Variants in STRBP observed in about 807,000 individuals in gnomAD.
STRBP encodes the protein spermatid perinuclear RNA binding protein, also known as spermatid perinuclear RNA-binding protein.
A neutral mutation model predicts 80.1 loss-of-function variants in STRBP; 13 were observed. The observed-to-expected ratio is 0.16, with a 90% CI of 0.11 to 0.26. The LOEUF is 0.26. Ranked by LOEUF, STRBP falls within the 10% of genes least tolerant of loss-of-function variation. The pLI, the probability that STRBP is intolerant of heterozygous loss-of-function variation, is 1.00. For synonymous variants in STRBP, 284 were observed against 291.2 expected (o/e 0.98, Z 0.25); for missense variants, 485 against 815.2 (o/e 0.59, Z 4.93).
At chr9:123,163,716 T>A (rs3758331) in intron 6 of STRBP, among the ~76,000 whole-genome samples, 49,516 of 152,102 alleles carry the variant, frequency 0.33, 12,226 homozygotes, top group East Asian at 0.69. Context: ...ATATACAGTT[T>A]TATGTATGTT....
At chr9:123,242,459 G>C (rs2040714494) in intron 1 of STRBP, among the ~76,000 whole-genome samples, 1 of 152,124 alleles carries the variant, frequency 6.6e-6, no homozygotes, top group Non-Finnish European at 1.5e-5. Flanking sequence ...AGGAGTTTGA[G>C]ACCAGCCTGG....
At chr9:123,201,159 ATT>A (rs2039312291) in intron 2 of STRBP, among the ~76,000 whole-genome samples, 1 of 151,464 alleles carries the variant, frequency 6.6e-6, no homozygotes, top group East Asian at 1.9e-4. Flanking sequence ...TATCAATTTT[ATT>A]TTTTCGAAGC....
intron 11 of STRBP, among the ~76,000 whole-genome samples, chr9:123,156,493 G>A (rs7048271): frequency 0.31 from 46,915 of 151,792 alleles, 10,633 homozygotes; most frequent in East Asian, 0.7. Flanking sequence ...TTAAGCACCC[G>A]AAGTGCTATG....
intron 2 of STRBP, among the ~76,000 whole-genome samples, chr9:123,221,152 CCTT>C (rs1183041852): frequency 6.6e-6 from 1 of 152,100 alleles, no homozygotes; most frequent in African/African-American, 2.4e-5. Context: ...GTCATAATCT[CCTT>C]CATCTTGGCT....
intron 2 of STRBP, among the ~76,000 whole-genome samples, chr9:123,234,028 G>C (rs190087662): frequency 1.3e-5 from 2 of 151,738 alleles, no homozygotes; most frequent in East Asian, 3.9e-4. Context: ...GTGAAATCCC[G>C]TCTCTATTAA....
chr9:123,158,467 G>C, intron 9 of STRBP, 38 bp from the exon 10 acceptor site: 1 of 1,581,012 alleles, frequency 6.3e-7, no homozygotes, highest in Non-Finnish European at 8.7e-7. Context: ...ATTTAGAACT[G>C]AGTTTAGAAT....
chr9:123,171,311 G>C (rs556411440), intron 5 of STRBP, among the ~76,000 whole-genome samples: 1 of 152,222 alleles, frequency 6.6e-6, no homozygotes, highest in Non-Finnish European at 1.5e-5. Flanking sequence ...AGCATCCTAG[G>C]AAAGAGTATG....
At chr9:123,205,669 T>C (rs1243520001) in intron 2 of STRBP, among the ~76,000 whole-genome samples, 1 of 152,258 alleles carries the variant, frequency 6.6e-6, no homozygotes, top group Non-Finnish European at 1.5e-5. Flanking sequence ...TATCTTATAC[T>C]ACTTAAAAGT....
At chr9:123,153,590 C>T (rs1444830228) in intron 11 of STRBP, among the ~76,000 whole-genome samples, 6 of 152,096 alleles carry the variant, frequency 3.9e-5, no homozygotes, top group South Asian at 2.1e-4. Context: ...CCTGAGCAAA[C>T]GGAGAGTTTC....
At chr9:123,164,467 G>C (rs147513111) in intron 6 of STRBP, among the ~76,000 whole-genome samples, 2 of 152,274 alleles carry the variant, frequency 1.3e-5, no homozygotes, top group East Asian at 3.9e-4. Context: ...ATGTTCATTT[G>C]GTTAGAGGTT....
intron 11 of STRBP, among the ~76,000 whole-genome samples, 155 bp from the exon 12 acceptor site, chr9:123,148,025 T>C (rs192296244): frequency 3.0e-4 from 46 of 152,308 alleles, no homozygotes; most frequent in African/African-American, 1.1e-3. Flanking sequence ...TTATTTATAA[T>C]CTAGAAAAGC....
chr9:123,216,931 T>C lies in STRBP; in HGVS notation c.-165+19899A>G, dbSNP rs944605424. On this transcript the variant is annotated intron_variant, in intron 2 of 18. Coordinates refer to ENST00000348403, the MANE Select transcript of STRBP (RefSeq NM_018387.5). ...TTGTCCAAAGGTACACAAGGGAAAA[T>C]CTACAATTTAAATCCAAGTCTGTTA... is the stretch of plus-strand genomic sequence containing the variant. Among the ~76,000 whole-genome samples, 3 of 152,126 alleles carry C rather than the reference T, an allele frequency of 2.0e-5. No individual in the cohort carries two copies. The East Asian group carries it at 5.8e-4, about 29-fold the overall frequency.
chr9:123,173,911 G>T, intron 4 of STRBP, 69 bp from the exon 5 acceptor site: 1 of 1,498,078 alleles, frequency 6.7e-7, no homozygotes, highest in Non-Finnish European at 9.0e-7. Context: ...TCATCACTTG[G>T]CTTCCTGAAT....
At chr9:123,221,123 G>A (rs1041958224) in intron 2 of STRBP, among the ~76,000 whole-genome samples, 8 of 152,162 alleles carry the variant, frequency 5.3e-5, no homozygotes, top group East Asian at 1.9e-4. Flanking sequence ...TGGGTCTCTC[G>A]GGCCTGCCTG....
chr9:123,239,192 G>A (rs767120570), intron 1 of STRBP, among the ~76,000 whole-genome samples: 12 of 152,094 alleles, frequency 7.9e-5, no homozygotes, highest in Non-Finnish European at 1.3e-4. Flanking sequence ...TGGCTAACAC[G>A]GTGAAACCCT....
rs558075424 is a variant in STRBP, at chr9:123,252,720, T to C, written c.-302+15716A>G. Among the ~76,000 whole-genome samples the C allele has an allele frequency of 2.0e-5, 3 of 152,328 alleles. No homozygotes were observed. In the South Asian group the frequency reaches 6.2e-4, roughly 32 times the overall value. ...ATGGCTGCTATTGCTATACCTTATA[T>C]TCTTGTTATGCTCACATAACCTTAA... On this transcript the variant is annotated intron_variant, in intron 1 of 18. Coordinates refer to ENST00000348403, the MANE Select transcript of STRBP (RefSeq NM_018387.5).
rs201346861 is a variant in STRBP, at chr9:123,162,230, C to T, written c.536-1162G>A. Among the ~76,000 whole-genome samples the T allele has an allele frequency of 4.1e-5, 6 of 146,632 alleles. No individual in the cohort carries two copies. In the South Asian group the frequency reaches 8.7e-4, roughly 21 times the overall value. ...TCAATGTTTATTCTGTGGTTTTTTT[C>T]TTTTTTTTTTTTGAGACAGGTTCGT... On this transcript the variant is annotated intron_variant, in intron 6 of 18. Coordinates refer to ENST00000348403, the MANE Select transcript of STRBP (RefSeq NM_018387.5).
At chr9:123,210,674 C>A (rs979533240) in intron 2 of STRBP, among the ~76,000 whole-genome samples, 1 of 151,810 alleles carries the variant, frequency 6.6e-6, no homozygotes, top group Non-Finnish European at 1.5e-5. Context: ...TAAAAATACA[C>A]AAAAATTAGC....
chr9:123,260,074 T>C (rs910526941), intron 1 of STRBP, among the ~76,000 whole-genome samples: 5 of 152,126 alleles, frequency 3.3e-5, no homozygotes, highest in African/African-American at 9.6e-5. Flanking sequence ...GCAGAGAAAT[T>C]GGGTAGCAGC....
Sources: allele counts gnomAD v4.1 joint callset (sites outside exome capture counted in the v4.1 genomes callset), GRCh38; gene constraint gnomAD v4.1.1; transcripts MANE v1.5; gene names NCBI Gene and HGNC (gene_info 2026-07-23, HGNC 2026-07-21).